TSHR: variants seen among roughly 807,000 people sequenced by gnomAD.
The protein encoded by TSHR is thyroid stimulating hormone receptor.
In TSHR, 51 loss-of-function variants were observed where a neutral mutation model predicts 64.1. That is an observed-to-expected ratio of 0.80 (90% CI 0.64 to 1.01). The LOEUF is 1.01. TSHR is among the 50% of genes least tolerant of loss of function. The probability of loss-of-function intolerance (pLI) is 0.00; values close to 1 mark genes in which losing one functional copy is unlikely to be tolerated. For missense variants in TSHR, 877 were observed against 942.8 expected (o/e 0.93, Z 0.91); for synonymous variants, 361 against 361.9 (o/e 1.00, Z 0.03).
At chr14:80,984,638 G>A (rs1290027688) in intron 1 of TSHR, among the ~76,000 whole-genome samples, 1 of 152,184 alleles carries the variant, frequency 6.6e-6, no homozygotes, top group Non-Finnish European at 1.5e-5. Context: ...AAAGCTCAGA[G>A]ACTGGTTTTA....
chr14:81,014,896 T>C (rs1890107513), intron 1 of TSHR, among the ~76,000 whole-genome samples: 1 of 152,234 alleles, frequency 6.6e-6, no homozygotes, highest in East Asian at 1.9e-4. Flanking sequence ...ACAGAATTTA[T>C]ACTTTAAGTT....
intron 3 of TSHR, among the ~76,000 whole-genome samples, chr14:81,081,596 G>T (rs1419022520): frequency 6.6e-6 from 1 of 152,180 alleles, no homozygotes; most frequent in African/African-American, 2.4e-5. Flanking sequence ...CATTAAACTT[G>T]AAATTAATAC....
At chr14:80,983,148 T>G in intron 1 of TSHR, 1 of 867,864 alleles carries the variant, frequency 1.2e-6, no homozygotes, top group African/African-American at 1.7e-5. Flanking sequence ...AATTTTCTTA[T>G]GAGTAATTAC....
At chr14:81,091,787 C>A (rs1375699914) in intron 5 of TSHR, among the ~76,000 whole-genome samples, 2 of 152,242 alleles carry the variant, frequency 1.3e-5, no homozygotes, top group Non-Finnish European at 2.9e-5. Flanking sequence ...TCTCAAGGAA[C>A]AGTCAGAAGT....
chr14:81,071,390 C>T (rs1887055463), intron 3 of TSHR, among the ~76,000 whole-genome samples: 1 of 152,078 alleles, frequency 6.6e-6, no homozygotes, highest in Non-Finnish European at 1.5e-5. Flanking sequence ...CTTTCTAAGT[C>T]TAGATTAGCT....
chr14:80,974,765 G>A (rs1887779398), intron 1 of TSHR, among the ~76,000 whole-genome samples: 1 of 152,172 alleles, frequency 6.6e-6, no homozygotes, highest in African/African-American at 2.4e-5. Flanking sequence ...TGGAGGGATT[G>A]TGCTTTCTTT....
intron 1 of TSHR, chr14:80,995,839 A>G (rs1299806876): frequency 6.7e-6 from 1 of 149,514 alleles, no homozygotes; most frequent in Non-Finnish European, 1.5e-5. Flanking sequence ...TAAAAGTTAA[A>G]AAAAAAAAAA....
chr14:81,100,696 G>C (rs998973941), intron 7 of TSHR, among the ~76,000 whole-genome samples: 1 of 152,192 alleles, frequency 6.6e-6, no homozygotes, highest in Non-Finnish European at 1.5e-5. Context: ...AGAACTCAGG[G>C]AGACACTTTA....
chr14:81,114,794 A>G (rs1461219605), intron 8 of TSHR, among the ~76,000 whole-genome samples: 1 of 152,214 alleles, frequency 6.6e-6, no homozygotes, highest in Non-Finnish European at 1.5e-5. Context: ...GACAGCTTTG[A>G]AGAGAGCCGT....
chr14:81,062,552 A>T (rs554431797), intron 2 of TSHR, among the ~76,000 whole-genome samples: 1 of 152,302 alleles, frequency 6.6e-6, no homozygotes, highest in South Asian at 2.1e-4. Context: ...TATAAAGTAA[A>T]CATATATACA....
chr14:80,964,445 C>G (rs1376143607), intron 1 of TSHR, among the ~76,000 whole-genome samples: 1 of 152,166 alleles, frequency 6.6e-6, no homozygotes, highest in African/African-American at 2.4e-5. Flanking sequence ...AGTCAATTTA[C>G]TAGAGTAGTA....
chr14:81,047,337 C>G (rs1467428722), intron 1 of TSHR, among the ~76,000 whole-genome samples: 1 of 152,080 alleles, frequency 6.6e-6, no homozygotes, highest in South Asian at 2.1e-4. Flanking sequence ...CACACACACA[C>G]CCCTCCCCCA....
At chr14:80,981,280 AAC>A (rs1430901841) in intron 1 of TSHR, among the ~76,000 whole-genome samples, 4 of 152,160 alleles carry the variant, frequency 2.6e-5, no homozygotes, top group African/African-American at 9.7e-5. Flanking sequence ...TGCCAACCAA[AAC>A]ACACAAGTTT....
intron 1 of TSHR, chr14:81,033,527 A>C (rs979176334): frequency 1.7e-4 from 26 of 151,790 alleles, no homozygotes; most frequent in African/African-American, 5.8e-4. Context: ...TTAAAAGTTT[A>C]GTAAAAATCA....
At chr14:81,133,859 C>A (rs1891346810) in intron 8 of TSHR, among the ~76,000 whole-genome samples, 1 of 152,018 alleles carries the variant, frequency 6.6e-6, no homozygotes, top group Non-Finnish European at 1.5e-5. Flanking sequence ...AATTAAGGAC[C>A]TGAGATAAAT....
At chr14:81,133,768 A>C (rs1451990415) in intron 8 of TSHR, among the ~76,000 whole-genome samples, 4 of 152,234 alleles carry the variant, frequency 2.6e-5, no homozygotes, top group African/African-American at 7.2e-5. Flanking sequence ...ATCAAAACCA[A>C]GATACACAAA....
At chr14:81,043,738 C>T (rs185765912) in intron 1 of TSHR, among the ~76,000 whole-genome samples, 80 of 152,206 alleles carry the variant, frequency 5.3e-4, no homozygotes, top group South Asian at 1.0e-3. Flanking sequence ...AGAACAGACA[C>T]ATAGACCAAT....
rs763539758 is a variant in TSHR, at chr14:81,062,196, T to C, written c.219T>C (p.Ser73=). ...HLRTIPSHAF[S]NLPNISRIYV... The stretch of plus-strand genomic sequence containing the variant: ...GAACTATTCCAAGTCATGCATTTTC[T>C]AATCTGCCCAATATTTCCAGAATGT... The change falls in exon 2 of 10, where the codon TCT becomes TCC. Residue 73 remains serine (S), a synonymous_variant. Transcript: ENST00000298171. 42 of 1,611,640 alleles carry C rather than the reference T, an allele frequency of 2.6e-5. No individual in the cohort carries two copies. Among genetic ancestry groups the C allele is most frequent in the Non-Finnish European group, 3.5e-5 (41 of 1,178,712 alleles).
intron 1 of TSHR, among the ~76,000 whole-genome samples, chr14:80,984,807 C>T (rs1888353142): frequency 6.6e-6 from 1 of 152,200 alleles, no homozygotes; most frequent in African/African-American, 2.4e-5. Flanking sequence ...GTGCCCCAAA[C>T]TTTGTTCAGT....
Sources: allele counts gnomAD v4.1 joint callset (sites outside exome capture counted in the v4.1 genomes callset), GRCh38; gene constraint gnomAD v4.1.1; transcripts MANE v1.5; gene names NCBI Gene and HGNC (gene_info 2026-07-23, HGNC 2026-07-21).